The following TUBB1 variants were observed in gnomAD, a reference collection of about 807,000 sequenced individuals.
TUBB1 encodes the protein tubulin beta 1 class VI.
TUBB1 carries 28 observed loss-of-function variants against 22.6 expected under a neutral mutation model. The ratio of observed to expected loss-of-function variants is 1.24; its 90% CI spans 0.92 to 1.70. The LOEUF is 1.70. TUBB1 is among the 40% of genes most tolerant of loss of function. The pLI is 0.00. For missense variants in TUBB1, 577 were observed against 605.5 expected (o/e 0.95, Z 0.49); for synonymous variants, 226 against 238.0 (o/e 0.95, Z 0.46).
chr20:59,022,769 G>C, intron 1 of TUBB1, 76 bp from the exon 2 acceptor site: 5 of 1,350,476 alleles, frequency 3.7e-6, no homozygotes, highest in Non-Finnish European at 5.3e-6. Context: ...AAACAGGCTT[G>C]GGAATGCTAA....
In TUBB1 at chr20:59,024,747, G is replaced by A. The variant is rs373986794; in HGVS notation, c.1320G>A (p.Glu440=). 30 of 1,614,016 alleles carry A rather than the reference G, an allele frequency of 1.9e-5. No individual in the cohort carries two copies. The African/African-American group carries it at 3.5e-4, about 19-fold the overall frequency. ...AVLEEDEEVT[E]EAEMEPEDKG... ...TAGAGGAAGATGAAGAGGTCACGGAGGAGGCAGAAATGGAGCCAGAAGATA... is the reference window on the plus strand; with the variant it reads ...TAGAGGAAGATGAAGAGGTCACGGAAGAGGCAGAAATGGAGCCAGAAGATA... Residue 440 remains glutamate (E), a synonymous_variant, in exon 4 of 4, where the codon GAG becomes GAA. Coordinates refer to ENST00000217133, the MANE Select transcript of TUBB1 (RefSeq NM_030773.4). This position sits in a 1 kb window ranked among gnomAD's most constrained non-coding sequence, Gnocchi z 4.9.
intron 3 of TUBB1, 35 bp downstream of exon 3, chr20:59,023,635 G>C: frequency 1.2e-6 from 2 of 1,613,284 alleles, no homozygotes; most frequent in South Asian, 1.1e-5. Flanking sequence ...CAGGAGGAGG[G>C]GGGGATGCTT....
Position 59,022,831 on chromosome 20 carries a change from C to G in TUBB1, c.58-14C>G. On this transcript the variant is annotated splice_polypyrimidine_tract_variant and intron_variant, in intron 1 of 3. Transcript: ENST00000217133. The stretch of plus-strand genomic sequence containing the variant: ...TTCGGGGTCCGTTTACTCTGACCTT[C>G]CTCCTGCTTTCAGTTCTGGGAGATG... The G allele has an allele frequency of 6.2e-7, 1 of 1,613,360 alleles. No homozygotes were observed. The highest frequency in any genetic ancestry group is 8.5e-7 in the Non-Finnish European group (1 of 1,179,346).
chr20:59,023,767 G>C lies in TUBB1; in HGVS notation c.340G>C (p.Glu114Gln). Residue 114 changes from glutamate to glutamine, a missense_variant, in exon 4 of 4, where the codon GAG becomes CAG. Transcript: ENST00000217133. ...CTACACGGAGGGAGCCGAGCTGATC[G>C]AGAATGTCCTAGAGGTGGTGAGGCA... ...GHYTEGAELI[E>Q]NVLEVVRHES... 1 of 1,614,176 alleles carries C rather than the reference G, an allele frequency of 6.2e-7. No homozygotes were observed. The highest frequency in any genetic ancestry group is 1.6e-4 in the Middle Eastern group (1 of 6,062).
At chr20:59,017,080 A>T (rs2091948175), upstream of TUBB1, among the ~76,000 whole-genome samples, 1 of 152,214 alleles carries the variant, frequency 6.6e-6, no homozygotes, top group Non-Finnish European at 1.5e-5. Context: ...ACTGTTTCCC[A>T]GTAAGCTGCC....
chr20:59,026,392 C>T lies in TUBB1; in HGVS notation c.*1609C>T, dbSNP rs2091994801. ...ATACTTAGTTTGAAGTTAGTAACTT[C>T]CTGAGATGCTAAAGACTTACAGCCT... On this transcript the variant is annotated 3_prime_UTR_variant, in exon 4 of 4. Transcript: ENST00000217133. 1 of 152,184 alleles carries T rather than the reference C, an allele frequency of 6.6e-6. No individual in the cohort carries two copies. The highest frequency in any genetic ancestry group is 1.5e-5 in the Non-Finnish European group (1 of 68,034). The allele number at this position is 152,184 out of a possible 1,614,324, so 9.4% of individuals were successfully genotyped here.
intron 2 of TUBB1, 97 bp from the exon 3 acceptor site, chr20:59,023,393 T>C: frequency 8.9e-7 from 1 of 1,128,546 alleles, no homozygotes; most frequent in Non-Finnish European, 1.3e-6. Context: ...AGAATATCCA[T>C]GATTTTTTTT....
Position 59,024,805 on chromosome 20 carries a change from G to C in TUBB1, c.*22G>C, listed in dbSNP as rs759974721. 3 of 1,610,908 alleles carry C rather than the reference G, an allele frequency of 1.9e-6. No individual in the cohort carries two copies. In the Admixed American group the frequency reaches 5.0e-5, roughly 27 times the overall value. ...TTAACTGTGAGAGAAGCTGTGCCGCGGAGTCGCTTACAGAACAGTTTCTCA... is the reference window on the plus strand; with the variant it reads ...TTAACTGTGAGAGAAGCTGTGCCGCCGAGTCGCTTACAGAACAGTTTCTCA... On this transcript the variant is annotated 3_prime_UTR_variant, in exon 4 of 4. Coordinates refer to ENST00000217133, the MANE Select transcript of TUBB1 (RefSeq NM_030773.4). This position sits in a 1 kb window ranked among gnomAD's most constrained non-coding sequence, Gnocchi z 4.9.
At chr20:59,021,452 T>C (rs1230115082) in intron 1 of TUBB1, among the ~76,000 whole-genome samples, 11 of 152,236 alleles carry the variant, frequency 7.2e-5, no homozygotes. Flanking sequence ...ATTTAGAAGA[T>C]ATGGCTGGGG....
Position 59,024,205 on chromosome 20 carries a change from T to G in TUBB1, c.778T>G (p.Phe260Val). The change falls in exon 4 of 4, where the codon TTC becomes GTC. Residue 260 changes from phenylalanine to valine, a missense_variant. Transcript: ENST00000217133. This position sits in a 1 kb window ranked among gnomAD's most constrained non-coding sequence, Gnocchi z 4.9. Reference sequence around the variant, plus strand: ...CAAGCTGGCGGTGAACATGGTCCCCTTCCCCCGCCTGCACTTCTTTATGCC... The same window carrying G: ...CAAGCTGGCGGTGAACATGGTCCCCGTCCCCCGCCTGCACTTCTTTATGCC... The part of the protein sequence containing the change: ...LRKLAVNMVP[F>V]PRLHFFMPGF... 7 of 1,614,176 alleles carry G rather than the reference T, an allele frequency of 4.3e-6. No individual in the cohort carries two copies. The highest frequency in any genetic ancestry group is 5.9e-6 in the Non-Finnish European group (7 of 1,180,032).
At position 59,024,224 on chromosome 20, in the gene TUBB1, T is replaced by G; in HGVS notation, c.797T>G (p.Phe266Cys). 1 of 1,614,104 alleles carries G rather than the reference T, an allele frequency of 6.2e-7. No individual in the cohort carries two copies. The highest frequency in any genetic ancestry group is 1.1e-5 in the South Asian group (1 of 91,080). ...NMVPFPRLHF[F>C]MPGFAPLTAQ... is the part of the protein sequence containing the mutation. ...GTCCCCTTCCCCCGCCTGCACTTCT[T>G]TATGCCCGGCTTTGCCCCACTCACG... Residue 266 changes from phenylalanine to cysteine, a missense_variant, in exon 4 of 4, where the codon TTT (phenylalanine) becomes TGT (cysteine). Coordinates refer to ENST00000217133, the MANE Select transcript of TUBB1 (RefSeq NM_030773.4). The surrounding 1 kb of genome is among the most constrained non-coding windows in gnomAD (Gnocchi z 4.9).
chr20:59,023,459 T>C, intron 2 of TUBB1, 31 bp from the exon 3 acceptor site: 2 of 1,591,994 alleles, frequency 1.3e-6, no homozygotes, highest in Non-Finnish European at 8.6e-7. Flanking sequence ...GAAAAACAAG[T>C]AGGCTGACTT....
chr20:59,019,460 A>C lies in TUBB1; in HGVS notation c.-63A>C. ...GTGTTGGGCTCACACCAGTGAACCG[A>C]AGCTCTGGATTCTGAGAGTCTGAGG... is the stretch of plus-strand genomic sequence containing the variant. On this transcript the variant is annotated 5_prime_UTR_variant, in exon 1 of 4. Transcript: ENST00000217133. 6.3e-7 allele frequency: 1 copy of C among 1,596,040 alleles called. No homozygotes were observed. Among genetic ancestry groups the C allele is most frequent in the South Asian group, 1.1e-5 (1 of 90,736 alleles).
At position 59,024,646 on chromosome 20, in the gene TUBB1, G is replaced by T; in HGVS notation, c.1219G>T (p.Glu407Ter). Reference sequence around the variant, plus strand: ...CACCAGCGAAGGGATGGACATAAACGAATTTGGGGAAGCTGAAAATAACAT... The same window carrying T: ...CACCAGCGAAGGGATGGACATAAACTAATTTGGGGAAGCTGAAAATAACAT... ...WYTSEGMDIN[E>*]FGEAENNIHD... Residue 407 changes from glutamate to a stop codon, truncating the protein, a stop_gained, in exon 4 of 4, where the codon GAA (glutamate) becomes TAA (stop). Coordinates refer to ENST00000217133, the MANE Select transcript of TUBB1 (RefSeq NM_030773.4). LOFTEE classifies it low-confidence loss of function (END_TRUNC). This position sits in a 1 kb window ranked among gnomAD's most constrained non-coding sequence, Gnocchi z 4.9. The T allele has an allele frequency of 6.2e-7, 1 of 1,614,128 alleles. No individual in the cohort carries two copies. Among genetic ancestry groups the T allele is most frequent in the Non-Finnish European group, 8.5e-7 (1 of 1,180,038 alleles).
In TUBB1 at chr20:59,025,508, G is replaced by A. The variant is rs1234630369; in HGVS notation, c.*725G>A. The A allele has an allele frequency of 6.6e-6, 1 of 152,602 alleles. No homozygotes were observed. Among genetic ancestry groups the A allele is most frequent in the Non-Finnish European group, 1.5e-5 (1 of 68,356 alleles). The allele number at this position is 152,602 out of a possible 1,614,324, so 9.5% of individuals were successfully genotyped here. A position where few individuals can be genotyped will look rare whatever the true frequency, so the allele number is the denominator to read the frequency against. ...TCTGATCTTTATTTCTGAAGAGCTA[G>A]CCTTTAACATATATGTTTATATAGT... On this transcript the variant is annotated 3_prime_UTR_variant, in exon 4 of 4. Coordinates refer to ENST00000217133, the MANE Select transcript of TUBB1 (RefSeq NM_030773.4).
chr20:59,017,053 C>T (rs558051298), upstream of TUBB1, among the ~76,000 whole-genome samples: 1 of 152,310 alleles, frequency 6.6e-6, no homozygotes, highest in South Asian at 2.1e-4. Context: ...CCGTTTATCA[C>T]GTTATGTGGT....
At chr20:59,022,695 T>C in intron 1 of TUBB1, 150 bp from the exon 2 acceptor site, 1 of 726,300 alleles carries the variant, frequency 1.4e-6, no homozygotes, top group Non-Finnish European at 2.5e-6. Context: ...AAGCGAATGA[T>C]GCCATGGTTA....
At chr20:59,018,000 C>T (rs939418675), upstream of TUBB1, among the ~76,000 whole-genome samples, 11 of 152,340 alleles carry the variant, frequency 7.2e-5, no homozygotes, top group African/African-American at 2.4e-4. Context: ...GGTTGCTCAC[C>T]GGATGGTGGT....
intron 1 of TUBB1, among the ~76,000 whole-genome samples, chr20:59,021,903 G>C (rs2146374774): frequency 6.6e-6 from 1 of 152,286 alleles, no homozygotes; most frequent in East Asian, 1.9e-4. Context: ...GCTGAGGCAG[G>C]AGAATTGCTT....
Sources: allele counts gnomAD v4.1 joint callset (sites outside exome capture counted in the v4.1 genomes callset), GRCh38; gene constraint gnomAD v4.1.1; non-coding constraint Gnocchi (gnomAD v3.1); transcripts MANE v1.5; gene names NCBI Gene and HGNC (gene_info 2026-07-23, HGNC 2026-07-21).